SLC30A8: variants seen among roughly 807,000 people sequenced by gnomAD.
SLC30A8 encodes the protein solute carrier family 30 member 8, also known as proton-coupled zinc antiporter SLC30A8.
Under a neutral mutation model 36.9 loss-of-function variants are expected in SLC30A8, and 27 were observed. The ratio of observed to expected loss-of-function variants is 0.73; its 90% CI spans 0.54 to 1.01. The LOEUF (loss-of-function observed/expected upper bound fraction) is 1.01, where lower values mean the gene tolerates loss of function less well. SLC30A8 is among the 50% of genes least tolerant of loss of function. The pLI, the probability that SLC30A8 is intolerant of heterozygous loss-of-function variation, is 0.00. For synonymous variants in SLC30A8, 164 were observed against 172.4 expected (o/e 0.95, Z 0.38); for missense variants, 439 against 452.0 (o/e 0.97, Z 0.26).
At chr8:117,070,253 T>C (rs982584480) in intron 2 of SLC30A8, among the ~76,000 whole-genome samples, 6 of 152,200 alleles carry the variant, frequency 3.9e-5, no homozygotes, top group African/African-American at 1.4e-4. Context: ...ATTCCACTGC[T>C]GGTTTTGCCT....
chr8:117,048,071 A>G (rs188889145), intron 2 of SLC30A8, among the ~76,000 whole-genome samples: 11 of 152,362 alleles, frequency 7.2e-5, no homozygotes, highest in East Asian at 5.8e-4. Flanking sequence ...TGCTCTGTCT[A>G]TGGAGTAGCC....
Position 117,157,723 on chromosome 8 carries a change from A to T in SLC30A8, c.451A>T (p.Ile151Phe). 1 of 1,613,764 alleles carries T rather than the reference A, an allele frequency of 6.2e-7. No individual in the cohort carries two copies. The highest frequency in any genetic ancestry group is 8.5e-7 in the Non-Finnish European group (1 of 1,179,892). ...TGGTGCCCTGCTCTCCATCCTGTGCATCTGGGTGGTGACTGGCGTGCTAGT... is the reference window on the plus strand; with the variant it reads ...TGGTGCCCTGCTCTCCATCCTGTGCTTCTGGGTGGTGACTGGCGTGCTAGT... ...ILGALLSILC[I>F]WVVTGVLVYL... Residue 151 changes from isoleucine to phenylalanine, a missense_variant, in exon 4 of 8, where the codon ATC becomes TTC. Physicochemically the swap from Ile to Phe is conservative, Grantham distance 21. Transcript: ENST00000456015.
At chr8:117,035,830 C>T (rs1652515598) in intron 1 of SLC30A8, among the ~76,000 whole-genome samples, 1 of 152,186 alleles carries the variant, frequency 6.6e-6, no homozygotes, top group African/African-American at 2.4e-5. Context: ...GCTGCCAAGG[C>T]TTGGAGCTTG....
chr8:117,066,354 A>G (rs1818169902), intron 2 of SLC30A8, among the ~76,000 whole-genome samples: 1 of 152,116 alleles, frequency 6.6e-6, no homozygotes, highest in Non-Finnish European at 1.5e-5. Flanking sequence ...ACTTGTTCAG[A>G]GATTTTAAAT....
intron 1 of SLC30A8, among the ~76,000 whole-genome samples, chr8:117,143,504 T>C (rs2130956097): frequency 6.6e-6 from 1 of 152,288 alleles, no homozygotes; most frequent in East Asian, 1.9e-4. Context: ...ATTCACATCA[T>C]TGTTCTGATC....
chr8:117,053,536 C>T (rs10094994), intron 2 of SLC30A8, among the ~76,000 whole-genome samples: 3,816 of 152,160 alleles, frequency 0.025, 71 homozygotes, highest in South Asian at 0.049. Flanking sequence ...AGCCCGAGCC[C>T]GAGCCCCAGC....
upstream of SLC30A8, chr8:116,950,494 G>GT (rs1228974557): frequency 6.6e-6 from 1 of 152,194 alleles, no homozygotes; most frequent in East Asian, 1.9e-4. Context: ...AAGCCATTTT[G>GT]TTTTTTGGCA....
intron 4 of SLC30A8, among the ~76,000 whole-genome samples, chr8:117,159,254 A>G (rs1027499254): frequency 1.3e-5 from 2 of 152,242 alleles, no homozygotes; most frequent in Admixed American, 6.5e-5. Context: ...AACTCAGCCT[A>G]TTTATCATCT....
chr8:117,043,258 A>G (rs1817446329), intron 2 of SLC30A8, among the ~76,000 whole-genome samples: 1 of 152,232 alleles, frequency 6.6e-6, no homozygotes, highest in African/African-American at 2.4e-5. Flanking sequence ...TGTGATTTGA[A>G]TTACAGAAAC....
intron 1 of SLC30A8, among the ~76,000 whole-genome samples, chr8:117,016,302 G>GATATTGA (rs1324827346): frequency 1.3e-5 from 2 of 152,132 alleles, no homozygotes; most frequent in African/African-American, 4.8e-5. Context: ...AATAGAAGTC[G>GATATTGA]ATATTGAATC....
chr8:117,055,595 T>C (rs1817846859), intron 2 of SLC30A8, among the ~76,000 whole-genome samples: 1 of 152,244 alleles, frequency 6.6e-6, no homozygotes, highest in South Asian at 2.1e-4. Flanking sequence ...TATTTCTTTT[T>C]CTATATTCTG....
At position 117,141,751 on chromosome 8, in the gene SLC30A8, A is replaced by C. The variant is rs114638490; in HGVS notation, c.72-5203A>C. Among the ~76,000 whole-genome samples the C allele has an allele frequency of 9.3e-3, 1,414 of 152,292 alleles. 24 individuals are homozygous for C. The highest frequency in any genetic ancestry group is 0.032 in the African/African-American group (1,323 of 41,582). ...GGTACAAGATAAGGATGTCCACTTC[A>C]ATGAGTTCTACTCAACGTGGTACTG... On this transcript the variant is annotated intron_variant, in intron 1 of 7. Coordinates refer to ENST00000456015, the MANE Select transcript of SLC30A8 (RefSeq NM_173851.3).
intron 2 of SLC30A8, among the ~76,000 whole-genome samples, chr8:117,073,651 C>G (rs1199639638): frequency 6.6e-6 from 1 of 152,190 alleles, no homozygotes; most frequent in Non-Finnish European, 1.5e-5. Context: ...TCTGGTCTGT[C>G]TCATTCAGTA....
rs138237475 is a variant in SLC30A8 at position 116,994,944 on chromosome 8, ATAATGT to A, written c.-266+43829_-266+43834del. Among the ~76,000 whole-genome samples the A allele has an allele frequency of 4.3e-4, 66 of 152,264 alleles. 1 individual carries two copies. Among genetic ancestry groups the A allele is most frequent in the Non-Finnish European group, 8.4e-4 (57 of 68,036 alleles). On this transcript the variant is annotated intron_variant, in intron 1 of 10. Coordinates refer to the SLC30A8 transcript ENST00000427715. ...AGACTGCAAAAATGTAATCAGGATA[ATAATGT>A]TAAGCACATTCTTTTTACTTTCTCT...
chr8:116,998,935 G>A (rs1485431470), intron 1 of SLC30A8, among the ~76,000 whole-genome samples: 2 of 152,136 alleles, frequency 1.3e-5, no homozygotes, highest in Non-Finnish European at 2.9e-5. Context: ...CTTAAGCCAC[G>A]AGGCTTGTGG....
At chr8:116,985,299 C>T (rs1321368182) in intron 1 of SLC30A8, among the ~76,000 whole-genome samples, 14 of 119,370 alleles carry the variant, frequency 1.2e-4, no homozygotes. Flanking sequence ...CACATACACA[C>T]ACACACACAC....
At chr8:117,095,601 A>G (rs1819327547) in intron 2 of SLC30A8, among the ~76,000 whole-genome samples, 1 of 152,234 alleles carries the variant, frequency 6.6e-6, no homozygotes, top group Admixed American at 6.5e-5. Context: ...AAAAGCAACA[A>G]CAACCTTGTA....
At chr8:117,080,898 T>C (rs1254005609) in intron 2 of SLC30A8, among the ~76,000 whole-genome samples, 1 of 152,210 alleles carries the variant, frequency 6.6e-6, no homozygotes, top group African/African-American at 2.4e-5. Context: ...CTTAGTTCTT[T>C]GAGAAATCTC....
intron 1 of SLC30A8, among the ~76,000 whole-genome samples, chr8:116,995,511 G>A (rs956638350): frequency 2.6e-5 from 4 of 152,040 alleles, no homozygotes; most frequent in African/African-American, 9.7e-5. Flanking sequence ...TACGGAATTT[G>A]TATCTGGAGG....
Sources: allele counts gnomAD v4.1 joint callset (sites outside exome capture counted in the v4.1 genomes callset), GRCh38; gene constraint gnomAD v4.1.1; transcripts MANE v1.5; gene names NCBI Gene and HGNC (gene_info 2026-07-23, HGNC 2026-07-21).